Variants in GET4 observed in about 807,000 individuals in gnomAD.
GET4 encodes guided entry of tail-anchored proteins factor 4, also known as Golgi to ER traffic protein 4 homolog.
Under a neutral mutation model 40.0 loss-of-function variants are expected in GET4, and 20 were observed. The observed-to-expected ratio is 0.50, with a 90% CI of 0.35 to 0.73. The LOEUF (loss-of-function observed/expected upper bound fraction) is 0.73, where lower values mean the gene tolerates loss of function less well. GET4 is among the 30% of genes least tolerant of loss of function. The pLI is 0.01. For synonymous variants in GET4, 280 were observed against 194.6 expected (o/e 1.44, Z -3.65); for missense variants, 557 against 454.0 (o/e 1.23, Z -2.06).
rs200395595 is a variant in GET4 at position 892,227 on chromosome 7, CAGA to C, written c.606-48_606-46del. 1.8e-3 allele frequency: 2,788 copies of C among 1,572,898 alleles called. 57 individuals carry two copies. In the Admixed American group the frequency reaches 0.038, roughly 21 times the overall value. On this transcript the variant is annotated intron_variant, in intron 5 of 8. Transcript: ENST00000265857. ...TGTCGGAGGCCGGCGCCTGTGCGGGCAGAAGCTGTGTCCTCCAGCCCTTCCACC... is the reference window on the plus strand; with the variant it reads ...TGTCGGAGGCCGGCGCCTGTGCGGGCAGCTGTGTCCTCCAGCCCTTCCACC...
intron 8 of GET4, among the ~76,000 whole-genome samples, chr7:894,528 G>C (rs559177152): frequency 6.6e-6 from 1 of 152,282 alleles, no homozygotes; most frequent in East Asian, 1.9e-4. Context: ...GCGTCCTGTG[G>C]CAGGCCCTGT....
At chr7:886,439 C>T in intron 2 of GET4, 130 bp from the exon 3 acceptor site, 2 of 695,586 alleles carry the variant, frequency 2.9e-6, no homozygotes, top group Non-Finnish European at 5.2e-6. Flanking sequence ...TGCCAAGGGA[C>T]GTGGTGCTCA....
chr7:878,447 A>G (rs542946846), intron 1 of GET4: 13 of 455,478 alleles, frequency 2.9e-5, no homozygotes, highest in Admixed American at 7.1e-5. Context: ...AGGATTTAGT[A>G]TTTTCCATGG....
Position 887,379 on chromosome 7 carries a change from C to A in GET4, c.326C>A (p.Ala109Asp). 6.3e-7 allele frequency: 1 copy of A among 1,585,028 alleles called. No individual in the cohort carries two copies. ...EVADELLENL[A>D]KVFSLMDPNS... ...TCTGTGCTGTTTGCAGAAAATCTGGCTAAAGTGTTCAGCCTGATGGACCCC... is the reference window on the plus strand; with the variant it reads ...TCTGTGCTGTTTGCAGAAAATCTGGATAAAGTGTTCAGCCTGATGGACCCC... The change falls in exon 4 of 9, where the codon GCT (alanine) becomes GAT (aspartate). Residue 109 changes from alanine to aspartate, a missense_variant. Coordinates refer to ENST00000265857, the MANE Select transcript of GET4 (RefSeq NM_015949.3).
intron 1 of GET4, chr7:883,897 C>T: frequency 9.7e-7 from 1 of 1,033,456 alleles, no homozygotes; most frequent in Non-Finnish European, 1.2e-6. Flanking sequence ...CCCAGCCAGG[C>T]CGGGGACCAC....
chr7:894,214 C>T (rs1322805901), intron 8 of GET4, among the ~76,000 whole-genome samples: 1 of 152,058 alleles, frequency 6.6e-6, no homozygotes, highest in East Asian at 1.9e-4. Context: ...CTTCCATTTC[C>T]TGGCAGGGAT....
intron 4 of GET4, 128 bp downstream of exon 4, chr7:887,647 C>T (rs1844218444): frequency 1.8e-5 from 12 of 680,682 alleles, no homozygotes; most frequent in Middle Eastern, 4.4e-4. Context: ...TCACGCGGGC[C>T]GGTCCATGGA....
intron 5 of GET4, among the ~76,000 whole-genome samples, chr7:891,979 C>T (rs1844333906): frequency 6.6e-6 from 1 of 152,244 alleles, no homozygotes; most frequent in Non-Finnish European, 1.5e-5. Flanking sequence ...CCGGTGCGGG[C>T]GGCCTCAGGA....
intron 6 of GET4, 114 bp downstream of exon 6, chr7:892,532 C>T (rs765408615): frequency 1.7e-4 from 189 of 1,142,800 alleles, no homozygotes; most frequent in African/African-American, 1.8e-4. Context: ...TGTGGGTAGC[C>T]GTGTGGGTAT....
At chr7:884,505 G>A in intron 1 of GET4, 1 of 470,346 alleles carries the variant, frequency 2.1e-6, no homozygotes, top group South Asian at 2.0e-5. Context: ...CTTGGGTGCG[G>A]GCTTTTCCCT....
At chr7:892,050 C>T (rs1157039311) in intron 5 of GET4, among the ~76,000 whole-genome samples, 1 of 152,256 alleles carries the variant, frequency 6.6e-6, no homozygotes, top group Non-Finnish European at 1.5e-5. Context: ...GGCTCCAGAG[C>T]CTGGTCACAT....
chr7:885,132 A>C (rs1450175391), intron 1 of GET4: 1 of 152,250 alleles, frequency 6.6e-6, no homozygotes, highest in Admixed American at 6.5e-5. Flanking sequence ...ATTTTTAAAC[A>C]AGGCTTTGTC....
chr7:886,287 C>T, intron 2 of GET4, 153 bp downstream of exon 2: 1 of 625,002 alleles, frequency 1.6e-6, no homozygotes, highest in East Asian at 2.7e-5. Flanking sequence ...AGAGTCCCCC[C>T]TGGCTTGGCT....
intron 1 of GET4, chr7:884,032 C>T: frequency 8.7e-7 from 1 of 1,153,010 alleles, no homozygotes. Flanking sequence ...ATCGGCAGTG[C>T]CCCCCAGAGC....
intron 1 of GET4, chr7:884,429 A>G: frequency 8.5e-7 from 1 of 1,176,062 alleles, no homozygotes; most frequent in Non-Finnish European, 1.1e-6. Context: ...CTGTGCGGGG[A>G]GCACAGCAAA....
intron 1 of GET4, among the ~76,000 whole-genome samples, 177 bp downstream of exon 1, chr7:876,977 C>T (rs1168638752): frequency 6.6e-6 from 1 of 151,778 alleles, no homozygotes; most frequent in Non-Finnish European, 1.5e-5. Context: ...CGGGGTCTGG[C>T]CCTGTGTGGC....
intron 1 of GET4, chr7:885,833 CAGAT>C (rs1844176469): frequency 5.4e-6 from 3 of 557,964 alleles, no homozygotes; most frequent in Admixed American, 3.2e-5. Flanking sequence ...TATTTGGACA[CAGAT>C]AGGCCCTTAG....
intron 1 of GET4, chr7:878,102 C>G (rs913794347): frequency 6.1e-6 from 2 of 329,484 alleles, no homozygotes; most frequent in African/African-American, 4.3e-5. Context: ...CCTGCCGAAC[C>G]GAGTCAGCCG....
chr7:878,982 C>CA (rs911374181), intron 1 of GET4, among the ~76,000 whole-genome samples: 1 of 151,916 alleles, frequency 6.6e-6, no homozygotes, highest in Non-Finnish European at 1.5e-5. Flanking sequence ...AGACACCCCC[C>CA]CCCGAGTAGA....
Sources: allele counts gnomAD v4.1 joint callset (sites outside exome capture counted in the v4.1 genomes callset), GRCh38; gene constraint gnomAD v4.1.1; transcripts MANE v1.5; gene names NCBI Gene and HGNC (gene_info 2026-07-23, HGNC 2026-07-21).